Variants in PTPRD observed in about 807,000 individuals in gnomAD.
PTPRD encodes the protein receptor-type tyrosine-protein phosphatase delta.
Under a neutral mutation model 214.5 loss-of-function variants are expected in PTPRD, and 34 were observed. The observed-to-expected ratio is 0.16, with a 90% confidence interval of 0.12 to 0.21. The LOEUF is 0.21. Among genes scored for constraint, PTPRD ranks in the 10% least tolerant of loss-of-function variants. The pLI is 1.00. For synonymous variants in PTPRD, 1,128 were observed against 845.7 expected, an observed-to-expected ratio of 1.33 and a Z score of -5.79; for missense variants, 2,545 against 2,398.7, an observed-to-expected ratio of 1.06 and a Z score of -1.27.
chr9:9,902,312 TG>T (rs2076590499), intron 5 of PTPRD, among the ~76,000 whole-genome samples: 1 of 152,198 alleles, frequency 6.6e-6, no homozygotes, highest in African/African-American at 2.4e-5. Flanking sequence ...AAATAATTTT[TG>T]CAACATCGTG....
chr9:9,101,713 T>G (rs551568677), intron 10 of PTPRD, among the ~76,000 whole-genome samples: 5 of 152,214 alleles, frequency 3.3e-5, no homozygotes, highest in Non-Finnish European at 5.9e-5. Flanking sequence ...CACTTATGCA[T>G]GTTACCCCAC....
At chr9:8,515,421 C>A (rs1003297462) in intron 21 of PTPRD, among the ~76,000 whole-genome samples, 2 of 152,096 alleles carry the variant, frequency 1.3e-5, no homozygotes, top group African/African-American at 4.8e-5. Flanking sequence ...AATCTATACC[C>A]TGTTATGAAT....
At chr9:9,033,876 T>C (rs1238764010) in intron 10 of PTPRD, among the ~76,000 whole-genome samples, 2 of 152,096 alleles carry the variant, frequency 1.3e-5, no homozygotes, top group Non-Finnish European at 2.9e-5. Context: ...GGTATAACAA[T>C]TCTCCCACCC....
intron 4 of PTPRD, among the ~76,000 whole-genome samples, chr9:10,014,252 G>A (rs1168082495): frequency 6.6e-6 from 1 of 151,932 alleles, no homozygotes; most frequent in Non-Finnish European, 1.5e-5. Context: ...CACAGATGAG[G>A]AAACTAAGAC....
chr9:8,775,647 C>G (rs1477604794), intron 11 of PTPRD, among the ~76,000 whole-genome samples: 1 of 152,132 alleles, frequency 6.6e-6, no homozygotes. Context: ...GGGCATTTTG[C>G]ATGATGCTCT....
chr9:9,925,597 T>G (rs947856303), intron 5 of PTPRD, among the ~76,000 whole-genome samples: 2 of 151,924 alleles, frequency 1.3e-5, no homozygotes, highest in African/African-American at 4.8e-5. Flanking sequence ...TACTTCTCAT[T>G]TTTTTCAGCA....
chr9:9,608,803 T>C (rs2094343361), intron 7 of PTPRD, among the ~76,000 whole-genome samples: 1 of 152,192 alleles, frequency 6.6e-6, no homozygotes, highest in Admixed American at 6.5e-5. Flanking sequence ...TTTAGCAGGG[T>C]TTGCTTGATT....
Position 8,317,734 on chromosome 9 carries a change from T to A in PTPRD, c.*140A>T. On this transcript the variant is annotated 3_prime_UTR_variant, in exon 46 of 46. Transcript: ENST00000381196. ...CCACCTGGAATAATTTGTTTTTAAT[T>A]TGTTTTGTGTGTAATAGTCCCACTA... 1.6e-6 allele frequency: 1 copy of A among 620,628 alleles called. No individual in the cohort carries two copies. Among genetic ancestry groups the A allele is most frequent in the South Asian group, 2.7e-5 (1 of 36,638 alleles). The allele number at this position is 620,628 out of a possible 1,614,324, so 38.4% of individuals were successfully genotyped here.
chr9:9,303,498 G>A (rs1380703173), intron 9 of PTPRD, among the ~76,000 whole-genome samples: 2 of 151,992 alleles, frequency 1.3e-5, no homozygotes, highest in African/African-American at 4.8e-5. Flanking sequence ...TAACTTTTCA[G>A]TAACTCAATA....
chr9:9,830,461 T>A (rs780420588), intron 5 of PTPRD, among the ~76,000 whole-genome samples: 56 of 152,034 alleles, frequency 3.7e-4, no homozygotes, highest in Non-Finnish European at 7.4e-4. Flanking sequence ...TTTTGATAGA[T>A]AATCATATGT....
intron 5 of PTPRD, among the ~76,000 whole-genome samples, chr9:9,847,314 A>G (rs1322148617): frequency 6.6e-6 from 1 of 152,144 alleles, no homozygotes; most frequent in East Asian, 1.9e-4. Context: ...GATGTGTTCT[A>G]TGGTATTTTG....
chr9:8,509,503 G>A (rs1198231130), intron 21 of PTPRD, among the ~76,000 whole-genome samples: 1 of 152,066 alleles, frequency 6.6e-6, no homozygotes, highest in South Asian at 2.1e-4. Context: ...AAACCAAACC[G>A]GACTACAGTA....
At chr9:9,668,430 C>T (rs1173187328) in intron 7 of PTPRD, among the ~76,000 whole-genome samples, 1 of 152,138 alleles carries the variant, frequency 6.6e-6, no homozygotes, top group South Asian at 2.1e-4. Context: ...AGACATACAA[C>T]ATTAGAATAT....
At chr9:8,575,871 G>A (rs539805867) in intron 14 of PTPRD, among the ~76,000 whole-genome samples, 85 of 152,214 alleles carry the variant, frequency 5.6e-4, no homozygotes, top group Non-Finnish European at 9.4e-4. Flanking sequence ...GGGTACCAAA[G>A]ATGCAAAGAC....
chr9:10,298,123 A>G (rs1053733865), intron 3 of PTPRD, among the ~76,000 whole-genome samples: 3 of 152,160 alleles, frequency 2.0e-5, no homozygotes, highest in Non-Finnish European at 4.4e-5. Flanking sequence ...ATAAAATAAT[A>G]AAAACATATA....
chr9:10,109,091 T>A (rs1178982130), intron 3 of PTPRD, among the ~76,000 whole-genome samples: 1 of 152,126 alleles, frequency 6.6e-6, no homozygotes, highest in Non-Finnish European at 1.5e-5. Flanking sequence ...AAAGAAACAA[T>A]GTGAACATGT....
chr9:9,695,928 G>A (rs1425151780), intron 7 of PTPRD, among the ~76,000 whole-genome samples: 4 of 152,056 alleles, frequency 2.6e-5, no homozygotes, highest in Admixed American at 1.3e-4. Context: ...AATTTTGGAA[G>A]TATTTCCTCC....
rs2098681943 is a variant in PTPRD, at chr9:10,431,803, T to C, written c.-599-90786A>G. ...AGGAAATAACAGGTGCTGGAGAGGATGTGGAGAAATAGGAAGACTTTTACA... is the reference window on the plus strand; with the variant it reads ...AGGAAATAACAGGTGCTGGAGAGGACGTGGAGAAATAGGAAGACTTTTACA... On this transcript the variant is annotated intron_variant, in intron 2 of 45. Transcript: ENST00000381196. Among the ~76,000 whole-genome samples, 3 of 151,986 alleles carry C rather than the reference T, an allele frequency of 2.0e-5. No individual in the cohort carries two copies. The South Asian group carries it at 6.2e-4, about 31-fold the overall frequency.
chr9:9,483,567 T>C (rs2095504766), intron 8 of PTPRD, among the ~76,000 whole-genome samples: 1 of 152,034 alleles, frequency 6.6e-6, no homozygotes, highest in Admixed American at 6.6e-5. Flanking sequence ...AAGCAACTTG[T>C]GGGTATTGGT....
Sources: gnomAD v4.1 joint callset for allele counts (sites outside exome capture counted in the v4.1 genomes callset) on GRCh38, gnomAD v4.1.1 for gene constraint, MANE v1.5 for transcripts, NCBI Gene and HGNC (gene_info 2026-07-23, HGNC 2026-07-21) for gene names.